Variants in MECOM observed in about 807,000 individuals in gnomAD.
The protein encoded by MECOM is histone-lysine N-methyltransferase MECOM.
A neutral mutation model predicts 116.3 loss-of-function variants in MECOM; 13 were observed. The ratio of observed to expected loss-of-function variants is 0.11; its 90% CI spans 0.07 to 0.18. MECOM has a LOEUF of 0.18. Ranked by LOEUF, MECOM falls within the 10% of genes least tolerant of loss-of-function variation. The pLI is 1.00. For synonymous variants in MECOM, 528 were observed against 535.2 expected, an observed-to-expected ratio of 0.99 and a Z score of 0.19; for missense variants, 1,299 against 1,509.0, an observed-to-expected ratio of 0.86 and a Z score of 2.31.
chr3:169,092,858 T>A, intron 14 of MECOM, 100 bp downstream of exon 14: 6 of 1,384,266 alleles, frequency 4.3e-6, no homozygotes, highest in Non-Finnish European at 6.1e-6. Context: ...CTTTGGTGAC[T>A]GAAGTAATAG....
At chr3:169,156,763 A>G (rs1742054947) in intron 2 of MECOM, among the ~76,000 whole-genome samples, 1 of 152,166 alleles carries the variant, frequency 6.6e-6, no homozygotes, top group Non-Finnish European at 1.5e-5. Flanking sequence ...GCAATGTTTT[A>G]TATTATTTAG....
At chr3:169,598,788 G>A (rs913014187) in intron 1 of MECOM, among the ~76,000 whole-genome samples, 4 of 152,156 alleles carry the variant, frequency 2.6e-5, no homozygotes, top group African/African-American at 9.6e-5. Flanking sequence ...AGCTAGCAAA[G>A]AGAAGGGTCT....
At chr3:169,536,597 T>C (rs1759395038) in intron 1 of MECOM, among the ~76,000 whole-genome samples, 1 of 151,490 alleles carries the variant, frequency 6.6e-6, no homozygotes, top group Admixed American at 6.6e-5. Flanking sequence ...GCTAGAGTTC[T>C]GAGGATAGCA....
intron 1 of MECOM, among the ~76,000 whole-genome samples, chr3:169,485,941 G>GCA (rs1752182069): frequency 5.6e-5 from 2 of 36,034 alleles, no homozygotes; most frequent in Admixed American, 3.3e-4. Flanking sequence ...TAGTATATAT[G>GCA]TATGTATATA....
chr3:169,208,205 A>ATG (rs1167696393), intron 2 of MECOM, among the ~76,000 whole-genome samples: 11 of 138,766 alleles, frequency 7.9e-5, no homozygotes, highest in South Asian at 2.2e-4. Flanking sequence ...CAATATATAT[A>ATG]TATGTGTGTG....
intron 1 of MECOM, among the ~76,000 whole-genome samples, chr3:169,486,655 G>A (rs994885609): frequency 2.0e-5 from 3 of 152,016 alleles, no homozygotes; most frequent in African/African-American, 4.8e-5. Context: ...AAGAAAAAAG[G>A]CTATCTCCTG....
intron 1 of MECOM, among the ~76,000 whole-genome samples, chr3:169,633,142 G>A (rs1436117966): frequency 1.3e-5 from 2 of 151,778 alleles, no homozygotes; most frequent in Non-Finnish European, 2.9e-5. Context: ...CACAAAACAG[G>A]AAGTTCCAAG....
chr3:169,551,847 T>A (rs1314991554), intron 1 of MECOM, among the ~76,000 whole-genome samples: 1 of 152,180 alleles, frequency 6.6e-6, no homozygotes, highest in Non-Finnish European at 1.5e-5. Context: ...ATGTGGTATA[T>A]CCATGCAATG....
intron 1 of MECOM, among the ~76,000 whole-genome samples, chr3:169,532,808 C>T (rs1758823942): frequency 6.6e-6 from 1 of 151,284 alleles, no homozygotes; most frequent in African/African-American, 2.4e-5. Flanking sequence ...TTCAGGAGTG[C>T]AATTAGGACA....
chr3:169,197,384 G>A lies in MECOM; in HGVS notation c.376-53552C>T, dbSNP rs181121553. ...AAAATAAAACAAGTGCAGTGTGTGC[G>A]GACTATGATAAATGAATAAAGTCTC... On this transcript the variant is annotated intron_variant, in intron 2 of 16. Transcript: ENST00000651503. Among the ~76,000 whole-genome samples the A allele has an allele frequency of 5.3e-5, 8 of 151,520 alleles. No homozygotes were observed. In the South Asian group the frequency reaches 8.4e-4, roughly 16 times the overall value.
At chr3:169,376,130 C>T (rs1012349983) in intron 2 of MECOM, among the ~76,000 whole-genome samples, 1 of 151,966 alleles carries the variant, frequency 6.6e-6, no homozygotes, top group Admixed American at 6.6e-5. Context: ...ATTCAACAGC[C>T]CTTCACGCTA....
intron 1 of MECOM, among the ~76,000 whole-genome samples, chr3:169,477,583 C>T (rs530456016): frequency 2.6e-4 from 39 of 152,178 alleles, no homozygotes; most frequent in Non-Finnish European, 4.7e-4. Flanking sequence ...AGAGGCTCTG[C>T]GTCCTGCTCC....
chr3:169,275,049 G>T (rs778782717), intron 2 of MECOM, among the ~76,000 whole-genome samples: 7 of 152,136 alleles, frequency 4.6e-5, no homozygotes, highest in African/African-American at 1.7e-4. Context: ...CAATAACTAG[G>T]CTAGGTAGCA....
chr3:169,168,068 A>T (rs1262558085), intron 2 of MECOM, among the ~76,000 whole-genome samples: 1 of 152,182 alleles, frequency 6.6e-6, no homozygotes, highest in African/African-American at 2.4e-5. Flanking sequence ...TTCTATTGTT[A>T]AAAAATTTGA....
chr3:169,527,013 T>A (rs1416595515), intron 1 of MECOM, among the ~76,000 whole-genome samples: 2 of 152,242 alleles, frequency 1.3e-5, no homozygotes, highest in Admixed American at 1.3e-4. Flanking sequence ...GTTTCGTATT[T>A]CTTCAGGCTT....
intron 2 of MECOM, among the ~76,000 whole-genome samples, chr3:169,314,507 T>G (rs1240122260): frequency 6.6e-6 from 1 of 152,244 alleles, no homozygotes; most frequent in African/African-American, 2.4e-5. Context: ...TAAAATAACT[T>G]TCCAATTTTT....
At chr3:169,505,454 A>T (rs2108998677) in intron 1 of MECOM, among the ~76,000 whole-genome samples, 1 of 152,356 alleles carries the variant, frequency 6.6e-6, no homozygotes, top group South Asian at 2.1e-4. Context: ...TATTTGAGGT[A>T]CATAACTTGA....
At chr3:169,632,705 C>G (rs1772240772) in intron 1 of MECOM, among the ~76,000 whole-genome samples, 1 of 152,188 alleles carries the variant, frequency 6.6e-6, no homozygotes, top group South Asian at 2.1e-4. Context: ...CTGCCAATAT[C>G]ACCATTAAAT....
intron 2 of MECOM, among the ~76,000 whole-genome samples, chr3:169,183,116 G>A (rs1482534712): frequency 1.3e-5 from 2 of 152,184 alleles, no homozygotes; most frequent in Non-Finnish European, 2.9e-5. Flanking sequence ...ATGAGGTAAT[G>A]CAAGTCAAGC....
Sources: gnomAD v4.1 joint callset for allele counts (sites outside exome capture counted in the v4.1 genomes callset) on GRCh38, gnomAD v4.1.1 for gene constraint, MANE v1.5 for transcripts, NCBI Gene and HGNC (gene_info 2026-07-23, HGNC 2026-07-21) for gene names.